Variants in GRID1 observed in about 807,000 individuals in gnomAD.
GRID1 encodes glutamate ionotropic receptor delta type subunit 1.
Under a neutral mutation model 98.0 loss-of-function variants are expected in GRID1, and 28 were observed. That is an observed-to-expected ratio of 0.29 (90% CI 0.21 to 0.39). The LOEUF is 0.39. Among genes scored for constraint, GRID1 ranks in the 10% least tolerant of loss-of-function variants. The pLI is 1.00. For missense variants in GRID1, 1,111 were observed against 1,340.5 expected, an observed-to-expected ratio of 0.83 and a Z score of 2.67; for synonymous variants, 553 against 538.5, an observed-to-expected ratio of 1.03 and a Z score of -0.37.
chr10:86,176,836 T>C (rs1230763101), intron 3 of GRID1, among the ~76,000 whole-genome samples: 1 of 152,060 alleles, frequency 6.6e-6, no homozygotes, highest in Admixed American at 6.5e-5. Flanking sequence ...GAGGAGTAGA[T>C]GCAAGGATGC....
chr10:86,349,664 G>A (rs1180384521), intron 2 of GRID1, among the ~76,000 whole-genome samples: 6 of 152,240 alleles, frequency 3.9e-5, no homozygotes, highest in African/African-American at 1.4e-4. Flanking sequence ...ACAGGGGGCA[G>A]GACAGGGCTG....
At chr10:86,038,665 T>G (rs1043856201) in intron 4 of GRID1, among the ~76,000 whole-genome samples, 1 of 152,268 alleles carries the variant, frequency 6.6e-6, no homozygotes, top group African/African-American at 2.4e-5. Context: ...CATTGGCCTC[T>G]GAAATTCCTT....
Position 85,727,945 on chromosome 10 carries a change from T to C in GRID1, c.1443A>G (p.Lys481=), listed in dbSNP as rs1420680377. The C allele has an allele frequency of 3.7e-6, 6 of 1,613,842 alleles. No individual in the cohort carries two copies. The Admixed American group carries it at 1.0e-4, about 27-fold the overall frequency. Residue 481 remains lysine, a synonymous_variant, in exon 10 of 16, where the codon AAA becomes AAG. Transcript: ENST00000327946. The part of the protein sequence containing the change: ...LDALAKALGF[K]YEIYQAPDGR... ...CATCAGGGGCTTGGTAAATCTCATA[T>C]TTAAAGCCCAGAGCCTTGGCCAGTG...
At chr10:85,641,671 G>A (rs1251344580) in intron 13 of GRID1, among the ~76,000 whole-genome samples, 1 of 152,228 alleles carries the variant, frequency 6.6e-6, no homozygotes, top group Non-Finnish European at 1.5e-5. Context: ...TAATAATCAA[G>A]TAGTCGGTTT....
chr10:85,822,422 C>T (rs374178487), intron 8 of GRID1, among the ~76,000 whole-genome samples: 1 of 152,014 alleles, frequency 6.6e-6, no homozygotes, highest in Admixed American at 6.5e-5. Context: ...ATGCAGCCAA[C>T]AGACACATGA....
chr10:85,817,141 T>C (rs1287057931), intron 8 of GRID1, among the ~76,000 whole-genome samples: 2 of 152,218 alleles, frequency 1.3e-5, no homozygotes, highest in Non-Finnish European at 2.9e-5. Context: ...CTTTGCTATT[T>C]TGAATGGTGC....
chr10:85,754,205 G>A (rs1397971046), intron 8 of GRID1, among the ~76,000 whole-genome samples: 2 of 152,150 alleles, frequency 1.3e-5, no homozygotes, highest in African/African-American at 2.4e-5. Flanking sequence ...ACTTCCATCA[G>A]AAATGTCATT....
intron 4 of GRID1, among the ~76,000 whole-genome samples, chr10:85,998,230 G>A (rs1322911944): frequency 1.3e-5 from 2 of 151,948 alleles, no homozygotes; most frequent in South Asian, 2.1e-4. Flanking sequence ...GTTCCCCAAG[G>A]AAGTCCATAT....
At chr10:86,094,857 T>G (rs1247531719) in intron 4 of GRID1, among the ~76,000 whole-genome samples, 1 of 151,274 alleles carries the variant, frequency 6.6e-6, no homozygotes, top group Non-Finnish European at 1.5e-5. Flanking sequence ...CTAAAATTCA[T>G]GTGGAACCAA....
chr10:85,846,951 C>T (rs980294202), intron 8 of GRID1, among the ~76,000 whole-genome samples: 3 of 152,212 alleles, frequency 2.0e-5, no homozygotes, highest in African/African-American at 7.2e-5. Flanking sequence ...TTCAAGAGCT[C>T]TGCCTATGCA....
chr10:85,856,154 G>A lies in GRID1; in HGVS notation c.988C>T (p.Leu330=). The change falls in exon 7 of 16, where the codon CTG becomes TTG. Residue 330 remains leucine, a synonymous_variant. Transcript: ENST00000327946. ...AGCTTCCTGTGAAAGGCGTTGGCCA[G>A]CATCAGAACACTGTCATACAGATAG... The part of the protein sequence containing the change: ...NLYLYDSVLM[L]ANAFHRKLED... 1.2e-6 allele frequency: 2 copies of A among 1,614,150 alleles called. No homozygotes were observed. The highest frequency in any genetic ancestry group is 1.7e-6 in the Non-Finnish European group (2 of 1,179,986).
At chr10:86,124,036 G>T (rs1844716220) in intron 4 of GRID1, among the ~76,000 whole-genome samples, 1 of 152,190 alleles carries the variant, frequency 6.6e-6, no homozygotes, top group African/African-American at 2.4e-5. Flanking sequence ...GGGAAACAGA[G>T]GGAGCACCTC....
intron 3 of GRID1, among the ~76,000 whole-genome samples, chr10:86,187,470 C>G (rs999058827): frequency 6.6e-6 from 1 of 152,204 alleles, no homozygotes; most frequent in African/African-American, 2.4e-5. Context: ...AAATCATCAT[C>G]CAGTGCTGCT....
chr10:85,931,263 G>C (rs1435699775), intron 4 of GRID1, among the ~76,000 whole-genome samples: 1 of 151,314 alleles, frequency 6.6e-6, no homozygotes, highest in Non-Finnish European at 1.5e-5. Flanking sequence ...CCTCTACCCA[G>C]TGCCTTGGTG....
chr10:85,698,079 G>C (rs983433443), intron 12 of GRID1, among the ~76,000 whole-genome samples: 1 of 152,052 alleles, frequency 6.6e-6, no homozygotes, highest in Non-Finnish European at 1.5e-5. Flanking sequence ...ATAAAAAAAC[G>C]AATAATACCA....
intron 2 of GRID1, among the ~76,000 whole-genome samples, chr10:86,273,122 C>G (rs1374591450): frequency 6.6e-6 from 1 of 150,706 alleles, no homozygotes; most frequent in Non-Finnish European, 1.5e-5. Context: ...TCCATGTGTT[C>G]TCATTGTTCA....
chr10:85,776,114 A>T, intron 8 of GRID1, among the ~76,000 whole-genome samples: 1 of 152,222 alleles, frequency 6.6e-6, no homozygotes, highest in Admixed American at 6.5e-5. Flanking sequence ...TTGTGTCCCA[A>T]CCTAGGCACA....
At chr10:85,800,454 A>G (rs1842565652) in intron 8 of GRID1, among the ~76,000 whole-genome samples, 1 of 152,080 alleles carries the variant, frequency 6.6e-6, no homozygotes, top group Admixed American at 6.5e-5. Context: ...GTACTTGTAA[A>G]TAACTCCAAG....
At chr10:85,936,071 G>T (rs930753706) in intron 4 of GRID1, among the ~76,000 whole-genome samples, 1 of 152,158 alleles carries the variant, frequency 6.6e-6, no homozygotes, top group Non-Finnish European at 1.5e-5. Flanking sequence ...ATGGTGTAGG[G>T]GTTCTATGGA....
Sources: gnomAD v4.1 joint callset for allele counts (sites outside exome capture counted in the v4.1 genomes callset) on GRCh38, gnomAD v4.1.1 for gene constraint, MANE v1.5 for transcripts, NCBI Gene and HGNC (gene_info 2026-07-23, HGNC 2026-07-21) for gene names.